Variants in IKZF5 observed in about 807,000 individuals in gnomAD.
The protein encoded by IKZF5 is zinc finger protein Pegasus.
Under a neutral mutation model 30.7 loss-of-function variants are expected in IKZF5, and 4 were observed. The ratio of observed to expected loss-of-function variants is 0.13; its 90% CI spans 0.06 to 0.30. The LOEUF (loss-of-function observed/expected upper bound fraction) is 0.30, where lower values mean the gene tolerates loss of function less well. IKZF5 is among the 10% of genes least tolerant of loss of function. IKZF5 has a pLI of 1.00. For synonymous variants in IKZF5, 148 were observed against 179.6 expected (o/e 0.82, Z 1.41); for missense variants, 348 against 525.5 (o/e 0.66, Z 3.30).
intron 2 of IKZF5, among the ~76,000 whole-genome samples, chr10:122,999,867 C>G (rs1421852120): frequency 6.6e-6 from 1 of 152,168 alleles, no homozygotes; most frequent in Admixed American, 6.5e-5. Flanking sequence ...AGTCTAGCAC[C>G]TGGGATAAAA....
At chr10:123,000,317 G>T (rs954606458) in intron 2 of IKZF5, among the ~76,000 whole-genome samples, 5 of 152,138 alleles carry the variant, frequency 3.3e-5, no homozygotes, top group African/African-American at 1.2e-4. Context: ...TATGTAAATG[G>T]AATCACACAC....
In IKZF5 at chr10:122,993,924, G is replaced by A; in HGVS notation, c.1116C>T (p.Tyr372=). 1 of 1,614,176 alleles carries A rather than the reference G, an allele frequency of 6.2e-7. No individual in the cohort carries two copies. The highest frequency in any genetic ancestry group is 8.5e-7 in the Non-Finnish European group (1 of 1,180,014). The part of the protein sequence containing the change: ...LLHHCQHCDM[Y]FADNILYTIH... ...TAGTGTAAAGGATGTTGTCTGCAAAGTACATATCACAGTGCTGGCAGTGGT... is the reference window on the plus strand; with the variant it reads ...TAGTGTAAAGGATGTTGTCTGCAAAATACATATCACAGTGCTGGCAGTGGT... The change falls in exon 5 of 5, where the codon TAC becomes TAT. Residue 372 remains tyrosine (Y), a synonymous_variant. Coordinates refer to ENST00000368886, the MANE Select transcript of IKZF5 (RefSeq NM_001372123.1).
At chr10:123,002,786 T>TAA (rs371495279) in intron 2 of IKZF5, among the ~76,000 whole-genome samples, 86 of 117,028 alleles carry the variant, frequency 7.3e-4, no homozygotes, top group East Asian at 2.4e-3. Flanking sequence ...AGACTCCGTC[T>TAA]AAAAAAAAAA....
chr10:123,008,657 G>C, intron 1 of IKZF5, 37 bp downstream of exon 1: 3 of 382,766 alleles, frequency 7.8e-6, no homozygotes, highest in South Asian at 7.1e-5. Flanking sequence ...CTGTCCTGCC[G>C]CGTCGCCGCC....
At chr10:122,995,941 T>G in intron 4 of IKZF5, 53 bp downstream of exon 4, 1 of 1,564,836 alleles carries the variant, frequency 6.4e-7, no homozygotes, top group South Asian at 1.1e-5. Context: ...CTGCCCCCCT[T>G]GGCCCCTCTC....
At position 122,994,332 on chromosome 10, in the gene IKZF5, A is replaced by G. The variant is rs764628385; in HGVS notation, c.708T>C (p.Thr236=). 2 of 1,613,928 alleles carry G rather than the reference A, an allele frequency of 1.2e-6. No individual in the cohort carries two copies. Among genetic ancestry groups the G allele is most frequent in the African/African-American group, 2.7e-5 (2 of 74,870 alleles). ...CTTGGGGGTCCCTTGGAAGGCCACC[A>G]GTTGGTGTGGTTTTTGCCATACTTT... ...SYESMAKTTP[T]GGLPRDPQEL... Residue 236 remains threonine (T), a synonymous_variant, in exon 5 of 5, where the codon ACT becomes ACC. Coordinates refer to ENST00000368886, the MANE Select transcript of IKZF5 (RefSeq NM_001372123.1). The surrounding 1 kb of genome is among the most constrained non-coding windows in gnomAD (Gnocchi z 5.6).
At chr10:123,002,209 G>A (rs1283283671) in intron 2 of IKZF5, among the ~76,000 whole-genome samples, 6 of 152,194 alleles carry the variant, frequency 3.9e-5, no homozygotes, top group South Asian at 2.1e-4. Context: ...AGCTACGGTA[G>A]TTCTAGGGGC....
Position 122,998,679 on chromosome 10 carries a change from A to G in IKZF5, c.-46-8T>C. On this transcript the variant is annotated splice_polypyrimidine_tract_variant and splice_region_variant and intron_variant, in intron 2 of 4. Coordinates refer to ENST00000368886, the MANE Select transcript of IKZF5 (RefSeq NM_001372123.1). The stretch of plus-strand genomic sequence containing the variant: ...TAGACCTAGAAAACAAAACTGAAAC[A>G]ATTTTACACTATTTAGGGAGATCTA... The G allele has an allele frequency of 3.3e-6, 5 of 1,507,510 alleles. No homozygotes were observed. The highest frequency in any genetic ancestry group is 4.6e-6 in the Non-Finnish European group (5 of 1,091,000). 93.4% of individuals were successfully genotyped at this position (1,507,510 alleles called of 1,614,324 possible).
intron 2 of IKZF5, among the ~76,000 whole-genome samples, chr10:123,002,397 G>A (rs1849620653): frequency 6.6e-6 from 1 of 151,594 alleles, no homozygotes; most frequent in African/African-American, 2.4e-5. Flanking sequence ...GCAGGCGCCT[G>A]TAATCCCTGC....
chr10:122,996,220 A>C, intron 3 of IKZF5, 44 bp from the exon 4 acceptor site: 9 of 1,526,454 alleles, frequency 5.9e-6, no homozygotes, highest in Non-Finnish European at 8.1e-6. Flanking sequence ...TCTCAGAATC[A>C]ACTCAATTTA....
Position 122,994,084 on chromosome 10 carries a change from T to C in IKZF5, c.956A>G (p.His319Arg), listed in dbSNP as rs758647950. Residue 319 changes from histidine to arginine, a missense_variant, in exon 5 of 5, where the codon CAT becomes CGT. Transcript: ENST00000368886. This position sits in a 1 kb window ranked among gnomAD's most constrained non-coding sequence, Gnocchi z 5.6. ...SPTSPEPRPS[H>R]SQRNYSPVAG... ...CACTGGACTATAGTTCCTTTGACTATGGGATGGCCGAGGTTCTGGGCTTGT... is the reference window on the plus strand; with the variant it reads ...CACTGGACTATAGTTCCTTTGACTACGGGATGGCCGAGGTTCTGGGCTTGT... 11 of 1,613,972 alleles carry C rather than the reference T, an allele frequency of 6.8e-6. No homozygotes were observed. In the African/African-American group the frequency reaches 9.3e-5, roughly 14 times the overall value.
chr10:122,999,508 C>G (rs1849507469), intron 2 of IKZF5, among the ~76,000 whole-genome samples: 3 of 152,160 alleles, frequency 2.0e-5, no homozygotes, highest in Admixed American at 2.0e-4. Flanking sequence ...AACTGTGTCA[C>G]GGTAAGAAGC....
At chr10:123,003,474 G>C (rs1564740452) in intron 2 of IKZF5, among the ~76,000 whole-genome samples, 1 of 152,132 alleles carries the variant, frequency 6.6e-6, no homozygotes, top group Admixed American at 6.5e-5. Context: ...ACAACTTTAA[G>C]ACTATGAACA....
chr10:123,003,733 T>C (rs1337035471), intron 2 of IKZF5, among the ~76,000 whole-genome samples: 1 of 152,210 alleles, frequency 6.6e-6, no homozygotes, highest in Non-Finnish European at 1.5e-5. Flanking sequence ...TTTCTATGGG[T>C]TCATCAACGT....
Position 122,994,194 on chromosome 10 carries a change from A to C in IKZF5, c.846T>G (p.Asp282Glu), listed in dbSNP as rs1589714439. ...GCTGCTGAATCATGAAAGGCTTTTC[A>C]TCAGGGCAGGGAACTACATCAGGGG... ...PASPDVVPCP[D>E]EKPFMIQQPS... The change falls in exon 5 of 5, where the codon GAT becomes GAG. Residue 282 changes from aspartate (D) to glutamate (E), a missense_variant. Around this residue, in one of 4 missense-constraint regions of IKZF5, gnomAD observed 176 missense variants for 198.2 expected, o/e 0.89. Coordinates refer to ENST00000368886, the MANE Select transcript of IKZF5 (RefSeq NM_001372123.1). This position sits in a 1 kb window ranked among gnomAD's most constrained non-coding sequence, Gnocchi z 5.6. 6.2e-7 allele frequency: 1 copy of C among 1,614,174 alleles called. No individual in the cohort carries two copies. The highest frequency in any genetic ancestry group is 8.5e-7 in the Non-Finnish European group (1 of 1,180,042).
intron 3 of IKZF5, chr10:122,997,645 C>T (rs1849425381): frequency 6.6e-6 from 1 of 152,202 alleles, no homozygotes; most frequent in Non-Finnish European, 1.5e-5. Context: ...CAAACTTTTT[C>T]TATAGGCATG....
At position 123,008,770 on chromosome 10, in the gene IKZF5, A is replaced by C. The variant is rs1479005086; in HGVS notation, c.-274T>G. ...CGCCGCCGCCGTCTTCGTCACCGTC[A>C]CAGTCGCCGCCGCCATCTTTGTTGT... On this transcript the variant is annotated 5_prime_UTR_variant, in exon 1 of 5. Coordinates refer to ENST00000368886, the MANE Select transcript of IKZF5 (RefSeq NM_001372123.1). The C allele has an allele frequency of 3.3e-6, 2 of 608,450 alleles. No homozygotes were observed. Among genetic ancestry groups the C allele is most frequent in the African/African-American group, 3.7e-5 (2 of 54,144 alleles). The allele number at this position is 608,450 out of a possible 1,614,324, so 37.7% of individuals were successfully genotyped here. A position where few individuals can be genotyped will look rare whatever the true frequency, so the allele number is the denominator to read the frequency against.
rs766544603 is a variant in IKZF5, at chr10:122,996,035, T to C, written c.275A>G (p.Lys92Arg). The C allele has an allele frequency of 1.2e-6, 2 of 1,614,140 alleles. No homozygotes were observed. Among genetic ancestry groups the C allele is most frequent in the South Asian group, 2.2e-5 (2 of 91,092 alleles). The change falls in exon 4 of 5, where the codon AAA becomes AGA. Residue 92 changes from lysine (K) to arginine (R), a missense_variant. Transcript: ENST00000368886. Reference sequence around the variant, plus strand: ...GTGTTCAATAAGCCGGGCTGTTCCTTTGCTGGCATAGTTGCAGTACCGACA... The same window carrying C: ...GTGTTCAATAAGCCGGGCTGTTCCTCTGCTGGCATAGTTGCAGTACCGACA... ...LKCRYCNYASKGTARLIEHIR... is the reference protein window; with the variant it reads ...LKCRYCNYASRGTARLIEHIR...
At chr10:123,008,335 C>T (rs1341143313) in intron 1 of IKZF5, among the ~76,000 whole-genome samples, 1 of 152,148 alleles carries the variant, frequency 6.6e-6, no homozygotes, top group Non-Finnish European at 1.5e-5. Context: ...TGACTCCCAG[C>T]CCCTGGGACC....
Sources: allele counts gnomAD v4.1 joint callset (sites outside exome capture counted in the v4.1 genomes callset), GRCh38; gene constraint gnomAD v4.1.1; regional missense constraint gnomAD v4.1.1; non-coding constraint Gnocchi (gnomAD v3.1); transcripts MANE v1.5; gene names NCBI Gene and HGNC (gene_info 2026-07-23, HGNC 2026-07-21).